LYPD6B: variants seen among roughly 807,000 people sequenced by gnomAD.
LYPD6B encodes ly6/PLAUR domain-containing protein 6B.
LYPD6B carries 17 observed loss-of-function variants against 22.8 expected under a neutral mutation model. That is an observed-to-expected ratio of 0.75 (90% CI 0.51 to 1.12). The LOEUF (loss-of-function observed/expected upper bound fraction) is 1.12. LYPD6B is among the 50% of genes most tolerant of loss of function. The pLI, the probability that LYPD6B is intolerant of heterozygous loss-of-function variation, is 0.00. For missense variants in LYPD6B, 221 were observed against 258.3 expected, an observed-to-expected ratio of 0.86 and a Z score of 0.99; for synonymous variants, 106 against 91.6, an observed-to-expected ratio of 1.16 and a Z score of -0.90.
At position 149,127,020 on chromosome 2, in the gene LYPD6B, A is replaced by G. The variant is rs1575019552; in HGVS notation, c.-66-3863A>G. Among the ~76,000 whole-genome samples, 3 of 150,310 alleles carry G rather than the reference A, an allele frequency of 2.0e-5. No individual in the cohort carries two copies. The South Asian group carries it at 6.2e-4, about 31-fold the overall frequency. On this transcript the variant is annotated intron_variant, in intron 1 of 6. Coordinates refer to ENST00000409642, the MANE Select transcript of LYPD6B (RefSeq NM_177964.5). ...GGTTTAATCCGTCCATTGAGTTTTCAGTTTTAATGATTTTATACTGTTGTT... is the reference window on the plus strand; with the variant it reads ...GGTTTAATCCGTCCATTGAGTTTTCGGTTTTAATGATTTTATACTGTTGTT...
intron 1 of LYPD6B, among the ~76,000 whole-genome samples, chr2:149,117,390 C>T (rs903796672): frequency 6.6e-6 from 1 of 151,892 alleles, no homozygotes; most frequent in African/African-American, 2.4e-5. Context: ...CGTGCCTCAG[C>T]CCCCTGAGTA....
intron 3 of LYPD6B, among the ~76,000 whole-genome samples, chr2:149,192,961 T>G (rs1692589436): frequency 6.6e-6 from 1 of 152,050 alleles, no homozygotes; most frequent in Non-Finnish European, 1.5e-5. Context: ...AGCCCTGAAG[T>G]ACATGTGCTG....
intron 3 of LYPD6B, among the ~76,000 whole-genome samples, chr2:149,194,719 C>T (rs1692701078): frequency 6.6e-6 from 1 of 152,194 alleles, no homozygotes; most frequent in African/African-American, 2.4e-5. Context: ...TTGGCCAAAC[C>T]AAACCAGCAG....
At chr2:149,147,320 G>T (rs556299539) in intron 2 of LYPD6B, among the ~76,000 whole-genome samples, 41 of 152,330 alleles carry the variant, frequency 2.7e-4, no homozygotes, top group African/African-American at 9.6e-4. Flanking sequence ...GTGATAAAGA[G>T]GGTAACCCAA....
intron 5 of LYPD6B, among the ~76,000 whole-genome samples, chr2:149,210,103 G>A (rs901283391): frequency 2.0e-5 from 3 of 152,148 alleles, no homozygotes; most frequent in African/African-American, 2.4e-5. Flanking sequence ...TTATCTTCAT[G>A]GCTCATGCTA....
intron 1 of LYPD6B, among the ~76,000 whole-genome samples, chr2:149,113,955 T>C (rs1686881483): frequency 6.6e-6 from 1 of 152,232 alleles, no homozygotes; most frequent in African/African-American, 2.4e-5. Context: ...TAAGATGGAA[T>C]ATTAGGTGGT....
At chr2:149,181,180 C>T (rs1246216703) in intron 3 of LYPD6B, among the ~76,000 whole-genome samples, 1 of 152,176 alleles carries the variant, frequency 6.6e-6, no homozygotes, top group Non-Finnish European at 1.5e-5. Context: ...GGGCCCCCAT[C>T]CATTCCAGTC....
intron 1 of LYPD6B, among the ~76,000 whole-genome samples, chr2:149,113,881 C>G (rs997257955): frequency 6.6e-6 from 1 of 152,172 alleles, no homozygotes; most frequent in Non-Finnish European, 1.5e-5. Context: ...CATTAAGTGC[C>G]TTTGCTATGT....
intron 1 of LYPD6B, among the ~76,000 whole-genome samples, chr2:149,083,455 T>G (rs1468856913): frequency 2.6e-5 from 4 of 152,238 alleles, no homozygotes; most frequent in African/African-American, 4.8e-5. Flanking sequence ...TCAAGATTCA[T>G]GCATTGCATT....
At chr2:149,075,572 G>T (rs1684843545) in intron 1 of LYPD6B, among the ~76,000 whole-genome samples, 1 of 152,012 alleles carries the variant, frequency 6.6e-6, no homozygotes, top group South Asian at 2.1e-4. Flanking sequence ...TTCTCTTGGA[G>T]AAAAGAAAAA....
chr2:149,198,343 C>T (rs182939237), intron 3 of LYPD6B, among the ~76,000 whole-genome samples: 1 of 152,182 alleles, frequency 6.6e-6, no homozygotes, highest in African/African-American at 2.4e-5. Flanking sequence ...CGCCTCACTG[C>T]TTTTAAATTT....
chr2:149,174,405 A>G (rs1255911721), intron 3 of LYPD6B, among the ~76,000 whole-genome samples: 11 of 152,160 alleles, frequency 7.2e-5, no homozygotes, highest in Admixed American at 7.2e-4. Context: ...CCCTGGCCAG[A>G]ACTTCCAATA....
chr2:149,184,726 G>A (rs1691977489), intron 3 of LYPD6B, among the ~76,000 whole-genome samples: 1 of 152,116 alleles, frequency 6.6e-6, no homozygotes, highest in South Asian at 2.1e-4. Flanking sequence ...TCTTTCTCTT[G>A]CTTTGTCATA....
At chr2:149,086,905 A>G (rs1685426703) in intron 1 of LYPD6B, among the ~76,000 whole-genome samples, 2 of 152,260 alleles carry the variant, frequency 1.3e-5, no homozygotes, top group South Asian at 4.1e-4. Context: ...TTTTTGTTAA[A>G]TAAGGATATC....
At chr2:149,161,306 A>AAAAT (rs1458737330) in intron 3 of LYPD6B, 1 of 161,716 alleles carries the variant, frequency 6.2e-6, no homozygotes, top group African/African-American at 2.4e-5. Context: ...TAAGCCTTAG[A>AAAAT]AAATATTTAC....
intron 2 of LYPD6B, among the ~76,000 whole-genome samples, chr2:149,146,029 T>C (rs7570723): frequency 0.51 from 77,449 of 151,978 alleles, 20,302 homozygotes; most frequent in South Asian, 0.69. Context: ...TCTGCTGAGA[T>C]AGTGTGTTCA....
intron 3 of LYPD6B, among the ~76,000 whole-genome samples, chr2:149,182,365 C>T (rs1184443419): frequency 1.3e-5 from 2 of 152,126 alleles, no homozygotes; most frequent in Admixed American, 6.5e-5. Flanking sequence ...ATACGTACTT[C>T]GTATAGATCT....
intron 1 of LYPD6B, among the ~76,000 whole-genome samples, chr2:149,105,329 C>G (rs1686420128): frequency 6.6e-6 from 1 of 152,062 alleles, no homozygotes; most frequent in South Asian, 2.1e-4. Flanking sequence ...AAGAATCAGC[C>G]TGTTGCTTTC....
At chr2:149,212,757 G>A (rs538903300) in intron 5 of LYPD6B, among the ~76,000 whole-genome samples, 1 of 152,264 alleles carries the variant, frequency 6.6e-6, no homozygotes, top group East Asian at 1.9e-4. Context: ...ACCACAGGAT[G>A]AGCGCCCATT....
Sources: gnomAD v4.1 joint callset for allele counts (sites outside exome capture counted in the v4.1 genomes callset) on GRCh38, gnomAD v4.1.1 for gene constraint, MANE v1.5 for transcripts, NCBI Gene and HGNC (gene_info 2026-07-23, HGNC 2026-07-21) for gene names.